PARD3B: variants seen among roughly 807,000 people sequenced by gnomAD.
PARD3B encodes the protein partitioning defective 3 homolog B.
PARD3B carries 103 observed loss-of-function variants against 130.2 expected under a neutral mutation model. The observed-to-expected ratio is 0.79, with a 90% CI of 0.67 to 0.93. PARD3B has a LOEUF of 0.93. Among genes scored for constraint, PARD3B ranks in the 40% least tolerant of loss-of-function variants. PARD3B has a pLI of 0.00. For synonymous variants in PARD3B, 583 were observed against 553.2 expected (o/e 1.05, Z -0.76); for missense variants, 1,609 against 1,499.2 (o/e 1.07, Z -1.21).
rs181403670 is a variant in PARD3B, at chr2:204,859,649, C to T, written c.223-105503C>T. Among the ~76,000 whole-genome samples, 11 of 152,302 alleles carry T rather than the reference C, an allele frequency of 7.2e-5. No individual in the cohort carries two copies. The East Asian group carries it at 2.1e-3, about 29-fold the overall frequency. ...GGTGCTAGTATAGCAAAGTCTTCCA[C>T]ATGTCATCGTAGTTGAGTTATCCTA... On this transcript the variant is annotated intron_variant, in intron 2 of 22. Transcript: ENST00000406610.
At chr2:204,934,547 A>G (rs2125784941) in intron 2 of PARD3B, among the ~76,000 whole-genome samples, 1 of 152,264 alleles carries the variant, frequency 6.6e-6, no homozygotes, top group South Asian at 2.1e-4. Flanking sequence ...ATTAGCAGAT[A>G]TGCCTCTTTA....
chr2:204,967,258 C>T lies in PARD3B; in HGVS notation c.394+1935C>T, dbSNP rs1691333882. Among the ~76,000 whole-genome samples, 1 of 152,174 alleles carries T rather than the reference C, an allele frequency of 6.6e-6. No individual in the cohort carries two copies. The highest frequency in any genetic ancestry group is 2.4e-5 in the African/African-American group (1 of 41,420). ...TTGGCCTGAAACCTTGGCATCACCT[C>T]CAGTTCCACCGTTTCCTTCTACCTC... On this transcript the variant is annotated intron_variant, in intron 3 of 22. Transcript: ENST00000406610. This position sits in a 1 kb window ranked among gnomAD's most constrained non-coding sequence, Gnocchi z 4.4.
chr2:205,389,805 A>G (rs2045788226), intron 18 of PARD3B, among the ~76,000 whole-genome samples: 1 of 152,228 alleles, frequency 6.6e-6, no homozygotes, highest in Non-Finnish European at 1.5e-5. Context: ...AGGTCTAAGT[A>G]TGAGATAGAC....
chr2:205,560,050 C>T (rs899362975), intron 22 of PARD3B, among the ~76,000 whole-genome samples: 2 of 152,170 alleles, frequency 1.3e-5, no homozygotes, highest in African/African-American at 2.4e-5. Context: ...GAAGGTCACA[C>T]GCAGAGAGAG....
At chr2:205,580,489 G>A (rs2106567271) in intron 22 of PARD3B, among the ~76,000 whole-genome samples, 1 of 152,304 alleles carries the variant, frequency 6.6e-6, no homozygotes, top group East Asian at 1.9e-4. Flanking sequence ...GGGACTGAGT[G>A]TCCATGACCG....
chr2:205,148,347 C>A (rs2033515170), intron 10 of PARD3B, among the ~76,000 whole-genome samples: 2 of 152,128 alleles, frequency 1.3e-5, no homozygotes, highest in African/African-American at 4.8e-5. Context: ...CATCTCTCAT[C>A]TTTTTCTTTT....
rs918685684 is a variant in PARD3B, at chr2:204,821,060, C to T, written c.222+134778C>T. Among the ~76,000 whole-genome samples the T allele has an allele frequency of 4.6e-5, 7 of 152,264 alleles. No individual in the cohort carries two copies. In the South Asian group the frequency reaches 8.3e-4, roughly 18 times the overall value. ...ACTATTCATTGACAATGCACTTTGT[C>T]GTCCAGAAGTTCTAATGGAGATATA... On this transcript the variant is annotated intron_variant, in intron 2 of 22. Transcript: ENST00000406610.
intron 3 of PARD3B, among the ~76,000 whole-genome samples, chr2:205,031,692 A>G (rs1190826921): frequency 6.6e-6 from 1 of 152,138 alleles, no homozygotes; most frequent in Non-Finnish European, 1.5e-5. Context: ...TAAATAGCGT[A>G]ATGCAGTACT....
chr2:205,174,404 C>A (rs756245242), intron 12 of PARD3B, among the ~76,000 whole-genome samples: 1 of 152,180 alleles, frequency 6.6e-6, no homozygotes, highest in Admixed American at 6.5e-5. Context: ...ACTTGACTCT[C>A]GGCTACTGAG....
chr2:204,731,963 G>C (rs1456374183), intron 2 of PARD3B, among the ~76,000 whole-genome samples: 1 of 152,028 alleles, frequency 6.6e-6, no homozygotes, highest in Non-Finnish European at 1.5e-5. Context: ...CTTTTCATTA[G>C]GGAAGGGAGG....
At chr2:205,365,582 G>A (rs1348208998) in intron 18 of PARD3B, among the ~76,000 whole-genome samples, 1 of 134,946 alleles carries the variant, frequency 7.4e-6, no homozygotes, top group Admixed American at 7.6e-5. Flanking sequence ...TACAGGAAAG[G>A]GAAAACACCA....
At chr2:205,168,628 G>T (rs2034967657) in intron 11 of PARD3B, among the ~76,000 whole-genome samples, 1 of 150,414 alleles carries the variant, frequency 6.6e-6, no homozygotes. Context: ...AGACGTGCAT[G>T]TATGGATGTC....
chr2:205,354,020 CTTTTCCTTTT>C (rs1351872278), intron 18 of PARD3B, among the ~76,000 whole-genome samples: 4 of 114,590 alleles, frequency 3.5e-5, no homozygotes, highest in Admixed American at 1.2e-4. Flanking sequence ...TTTTTCTTTT[CTTTTCCTTTT>C]TTTTTTTTTT....
intron 8 of PARD3B, among the ~76,000 whole-genome samples, chr2:205,123,068 C>T (rs924501403): frequency 6.6e-5 from 10 of 152,190 alleles, no homozygotes; most frequent in South Asian, 2.1e-4. Context: ...ATGAAAGATA[C>T]GACATCACAT....
intron 1 of PARD3B, among the ~76,000 whole-genome samples, chr2:204,621,629 G>A (rs928082080): frequency 1.1e-4 from 17 of 152,186 alleles, no homozygotes; most frequent in African/African-American, 3.9e-4. Flanking sequence ...ATTTAACTTT[G>A]TAGCTTTATT....
At chr2:204,722,716 G>A (rs1574815273) in intron 2 of PARD3B, among the ~76,000 whole-genome samples, 3 of 152,084 alleles carry the variant, frequency 2.0e-5, no homozygotes, top group African/African-American at 7.2e-5. Flanking sequence ...CAAGACTTTC[G>A]TGAGTACTTA....
intron 18 of PARD3B, among the ~76,000 whole-genome samples, chr2:205,311,457 G>A (rs1210478224): frequency 3.3e-5 from 5 of 152,096 alleles, no homozygotes; most frequent in Admixed American, 3.3e-4. Context: ...CTTGGCTATT[G>A]GTATGTCTTC....
chr2:205,611,450 C>T (rs1250642361), intron 22 of PARD3B, among the ~76,000 whole-genome samples: 1 of 152,202 alleles, frequency 6.6e-6, no homozygotes, highest in Non-Finnish European at 1.5e-5. Context: ...GACATACTGA[C>T]ATGGCAAAAA....
intron 2 of PARD3B, among the ~76,000 whole-genome samples, chr2:204,786,369 T>C (rs1307634980): frequency 1.3e-5 from 2 of 152,014 alleles, no homozygotes; most frequent in African/African-American, 4.8e-5. Context: ...GTAAAATGAG[T>C]TCCTGTCAAA....
Sources: gnomAD v4.1 joint callset for allele counts (sites outside exome capture counted in the v4.1 genomes callset) on GRCh38, gnomAD v4.1.1 for gene constraint, Gnocchi (gnomAD v3.1) non-coding constraint, MANE v1.5 for transcripts, NCBI Gene and HGNC (gene_info 2026-07-23, HGNC 2026-07-21) for gene names.